ZMYND8: variants seen among roughly 807,000 people sequenced by gnomAD.
ZMYND8 encodes the protein MYND-type zinc finger-containing chromatin reader ZMYND8.
A neutral mutation model predicts 140.8 loss-of-function variants in ZMYND8; 37 were observed. The ratio of observed to expected loss-of-function variants is 0.26; its 90% CI spans 0.20 to 0.35. The LOEUF is 0.35. Ranked by LOEUF, ZMYND8 falls within the 10% of genes least tolerant of loss-of-function variation. The pLI is 1.00. For synonymous variants in ZMYND8, 592 were observed against 597.1 expected (o/e 0.99, Z 0.12); for missense variants, 1,068 against 1,570.0 (o/e 0.68, Z 5.40).
chr20:47,258,719 C>T (rs569038999), intron 12 of ZMYND8, among the ~76,000 whole-genome samples: 10 of 152,134 alleles, frequency 6.6e-5, no homozygotes, highest in East Asian at 1.9e-4. Flanking sequence ...AGTCGTTCCA[C>T]GGCTGACAGA....
intron 1 of ZMYND8, chr20:47,350,024 T>C: frequency 1.4e-6 from 2 of 1,465,690 alleles, no homozygotes; most frequent in South Asian, 1.4e-5. Context: ...AGTTATGTGG[T>C]GGCTATTTGC....
At chr20:47,314,521 G>A (rs933999726) in intron 2 of ZMYND8, among the ~76,000 whole-genome samples, 4 of 152,120 alleles carry the variant, frequency 2.6e-5, no homozygotes, top group Non-Finnish European at 5.9e-5. Context: ...AAAACAAAAA[G>A]AATGCAAATT....
intron 12 of ZMYND8, among the ~76,000 whole-genome samples, chr20:47,260,324 C>T (rs1377849205): frequency 6.6e-6 from 1 of 152,080 alleles, no homozygotes; most frequent in East Asian, 1.9e-4. Flanking sequence ...ATGTGAAGTC[C>T]ATTCACATCC....
At chr20:47,322,816 T>C (rs1462688790) in intron 2 of ZMYND8, among the ~76,000 whole-genome samples, 1 of 152,232 alleles carries the variant, frequency 6.6e-6, no homozygotes, top group Non-Finnish European at 1.5e-5. Flanking sequence ...TCCATCACGG[T>C]TGAGTTCCAC....
chr20:47,256,807 T>A (rs73304014), intron 12 of ZMYND8, among the ~76,000 whole-genome samples: 3,124 of 152,206 alleles, frequency 0.021, 116 homozygotes, highest in African/African-American at 0.072. Context: ...AAAGGATGCC[T>A]CCTGTCATTA....
chr20:47,296,799 C>T (rs748108945), intron 4 of ZMYND8, among the ~76,000 whole-genome samples: 9 of 151,458 alleles, frequency 5.9e-5, no homozygotes, highest in Non-Finnish European at 1.2e-4. Context: ...CTACAAAAAA[C>T]TTAGTAAGTA....
intron 11 of ZMYND8, among the ~76,000 whole-genome samples, chr20:47,263,008 CAA>C (rs2147573763): frequency 6.6e-6 from 1 of 152,278 alleles, no homozygotes; most frequent in African/African-American, 2.4e-5. Flanking sequence ...TACTGTATTT[CAA>C]ACTTTCACAG....
At chr20:47,269,102 G>A (rs980748458) in intron 11 of ZMYND8, among the ~76,000 whole-genome samples, 2 of 152,114 alleles carry the variant, frequency 1.3e-5, no homozygotes, top group African/African-American at 2.4e-5. Context: ...GGGGGGCTGA[G>A]GCAAGAGAAC....
intron 15 of ZMYND8, chr20:47,238,552 CA>C: frequency 7.7e-6 from 7 of 910,020 alleles, no homozygotes; most frequent in Non-Finnish European, 1.2e-5. Flanking sequence ...ATAAAATGAA[CA>C]AAAAAAACTT....
chr20:47,215,923 G>A (rs897763868), intron 21 of ZMYND8, among the ~76,000 whole-genome samples: 2 of 152,174 alleles, frequency 1.3e-5, no homozygotes, highest in Admixed American at 1.3e-4. Flanking sequence ...TGTCAAGGAA[G>A]GCACTTGGAG....
intron 16 of ZMYND8, among the ~76,000 whole-genome samples, chr20:47,234,061 T>C (rs1230233523): frequency 1.3e-5 from 2 of 152,236 alleles, no homozygotes; most frequent in African/African-American, 2.4e-5. Context: ...TCTCCATTGC[T>C]GGCTTTTGAG....
chr20:47,304,035 G>C (rs781162506), intron 3 of ZMYND8, among the ~76,000 whole-genome samples: 37 of 152,084 alleles, frequency 2.4e-4, no homozygotes, highest in African/African-American at 8.7e-4. Context: ...AAAATAATCT[G>C]ATAACAAATA....
Position 47,310,221 on chromosome 20 carries a change from A to G in ZMYND8, c.86-17T>C. 6.3e-7 allele frequency: 1 copy of G among 1,585,274 alleles called. No homozygotes were observed. The highest frequency in any genetic ancestry group is 8.5e-7 in the Non-Finnish European group (1 of 1,171,100). On this transcript the variant is annotated splice_polypyrimidine_tract_variant and intron_variant, in intron 2 of 22. Transcript: ENST00000471951. ...AGCCAGGATCTGAAAGAGATACAGG[A>G]CCACAGGTTTTAAAGCAGTCAGGGA... is the stretch of plus-strand genomic sequence containing the variant.
intron 4 of ZMYND8, among the ~76,000 whole-genome samples, chr20:47,294,996 T>A (rs1181328147): frequency 2.0e-4 from 30 of 152,244 alleles, no homozygotes; most frequent in Admixed American, 2.0e-3. Context: ...TCAGGAAGCA[T>A]TTTTAGCTCA....
At chr20:47,234,715 G>A (rs1307837243) in intron 16 of ZMYND8, among the ~76,000 whole-genome samples, 5 of 151,894 alleles carry the variant, frequency 3.3e-5, no homozygotes, top group African/African-American at 1.2e-4. Flanking sequence ...AAAGAAACAT[G>A]ACCAATGAAA....
In ZMYND8 at chr20:47,310,062, C is replaced by T. The variant is rs781210171; in HGVS notation, c.228G>A (p.Lys76=). 2.5e-6 allele frequency: 4 copies of T among 1,614,200 alleles called. No individual in the cohort carries two copies. The highest frequency in any genetic ancestry group is 1.7e-5 in the Admixed American group (1 of 60,024). ...TTCCCAGCGGCTGCTTTACCTGCTCCTTATTGTTACTGTTCAGTAAGCCAG... is the reference window on the plus strand; with the variant it reads ...TTCCCAGCGGCTGCTTTACCTGCTCTTTATTGTTACTGTTCAGTAAGCCAG... ...KKPGLLNSNN[K]EQSELRHGPF... The change falls in exon 3 of 23, where the codon AAG becomes AAA. Residue 76 remains lysine, a synonymous_variant. Transcript: ENST00000471951.
chr20:47,329,673 G>A (rs2080769533), intron 2 of ZMYND8, among the ~76,000 whole-genome samples: 1 of 152,170 alleles, frequency 6.6e-6, no homozygotes, highest in Non-Finnish European at 1.5e-5. Flanking sequence ...CAAAGTGCTG[G>A]GATTACAGGC....
intron 10 of ZMYND8, among the ~76,000 whole-genome samples, chr20:47,279,376 G>A (rs2076457617): frequency 6.6e-6 from 1 of 151,994 alleles, no homozygotes; most frequent in South Asian, 2.1e-4. Flanking sequence ...AGGCAGAGGT[G>A]GGAGAATTGC....
chr20:47,300,051 T>C (rs2077910353), intron 3 of ZMYND8, among the ~76,000 whole-genome samples: 1 of 152,176 alleles, frequency 6.6e-6, no homozygotes, highest in South Asian at 2.1e-4. Context: ...GGCCAACTCA[T>C]GGGAGGTCGA....
Sources: gnomAD v4.1 joint callset for allele counts (sites outside exome capture counted in the v4.1 genomes callset) on GRCh38, gnomAD v4.1.1 for gene constraint, MANE v1.5 for transcripts, NCBI Gene and HGNC (gene_info 2026-07-23, HGNC 2026-07-21) for gene names.